FOXP2: variants seen among roughly 807,000 people sequenced by gnomAD.
FOXP2 encodes forkhead box protein P2.
A neutral mutation model predicts 115.8 loss-of-function variants in FOXP2; 12 were observed. The ratio of observed to expected loss-of-function variants is 0.10; its 90% CI spans 0.07 to 0.17. FOXP2 has a LOEUF of 0.17. Ranked by LOEUF, FOXP2 falls within the 10% of genes least tolerant of loss-of-function variation. FOXP2 has a pLI of 1.00. For missense variants in FOXP2, 629 were observed against 843.5 expected (o/e 0.75, Z 3.15); for synonymous variants, 328 against 297.7 (o/e 1.10, Z -1.05).
intron 3 of FOXP2, among the ~76,000 whole-genome samples, chr7:114,568,245 T>C (rs1360279217): frequency 6.6e-6 from 1 of 152,046 alleles, no homozygotes; most frequent in Non-Finnish European, 1.5e-5. Context: ...ATATGCTTTA[T>C]TTCTCTCTAT....
At chr7:114,380,211 T>C (rs1238023364) in intron 2 of FOXP2, among the ~76,000 whole-genome samples, 1 of 152,214 alleles carries the variant, frequency 6.6e-6, no homozygotes, top group Non-Finnish European at 1.5e-5. Flanking sequence ...GGCTTCCTAA[T>C]GTTTGATAGG....
chr7:114,565,897 G>C (rs994228847), intron 3 of FOXP2, among the ~76,000 whole-genome samples: 2 of 152,144 alleles, frequency 1.3e-5, no homozygotes, highest in African/African-American at 2.4e-5. Flanking sequence ...TGATCCACTT[G>C]TCTTGTGGAA....
At chr7:114,144,955 G>A (rs1483724325) in intron 1 of FOXP2, among the ~76,000 whole-genome samples, 2 of 152,118 alleles carry the variant, frequency 1.3e-5, no homozygotes, top group Non-Finnish European at 2.9e-5. Flanking sequence ...TAGTTGCCTT[G>A]TTGGAGCAAT....
chr7:114,086,479 C>T (rs778053968), upstream of FOXP2: 15 of 349,514 alleles, frequency 4.3e-5, no homozygotes, highest in African/African-American at 1.8e-4. Flanking sequence ...TCGGCCCCCC[C>T]CCTCCCCGGG....
intron 2 of FOXP2, among the ~76,000 whole-genome samples, chr7:114,515,560 G>C (rs562459828): frequency 6.6e-6 from 1 of 152,034 alleles, no homozygotes; most frequent in South Asian, 2.1e-4. Flanking sequence ...CTTTTTGATG[G>C]GGTTGTTTGT....
upstream of FOXP2, among the ~76,000 whole-genome samples, chr7:114,158,873 CA>C (rs1408538885): frequency 2.6e-5 from 4 of 152,002 alleles, no homozygotes; most frequent in African/African-American, 9.7e-5. Context: ...GGTCTGAGAG[CA>C]ATCCTATCAG....
At chr7:114,198,427 G>A (rs1054512861) in intron 1 of FOXP2, among the ~76,000 whole-genome samples, 1 of 152,164 alleles carries the variant, frequency 6.6e-6, no homozygotes, top group Non-Finnish European at 1.5e-5. Context: ...AATGCTATAG[G>A]GGGGTAGGGG....
chr7:114,643,307 A>G (rs1470128716), intron 7 of FOXP2, among the ~76,000 whole-genome samples: 2 of 152,164 alleles, frequency 1.3e-5, no homozygotes, highest in Non-Finnish European at 2.9e-5. Flanking sequence ...AATTTCAAAT[A>G]ATTAAAGATG....
chr7:114,277,296 T>C (rs1796213419), intron 1 of FOXP2, among the ~76,000 whole-genome samples: 2 of 152,196 alleles, frequency 1.3e-5, no homozygotes, highest in Non-Finnish European at 1.5e-5. Flanking sequence ...TTTTCTAACA[T>C]GTTTGACTTG....
intron 1 of FOXP2, among the ~76,000 whole-genome samples, chr7:114,252,382 T>G (rs1056569720): frequency 2.0e-5 from 3 of 152,206 alleles, no homozygotes; most frequent in East Asian, 1.9e-4. Flanking sequence ...AGCTCCTCCT[T>G]GTACCTCTGG....
chr7:114,092,526 T>TA (rs962061747), intron 1 of FOXP2, among the ~76,000 whole-genome samples: 152 of 145,048 alleles, frequency 1.0e-3, no homozygotes, highest in East Asian at 1.4e-3. Context: ...TTCTCAACCT[T>TA]AAAAAAAAAA....
rs1808622439 is a variant in FOXP2 at position 114,690,727 on chromosome 7, A to G, written c.*801A>G. Reference sequence around the variant, plus strand: ...TAAAGCTTTGTCTACCTGCAAACACAGTCAAAGGCTACAGCTGCAAACCAA... The same window carrying G: ...TAAAGCTTTGTCTACCTGCAAACACGGTCAAAGGCTACAGCTGCAAACCAA... On this transcript the variant is annotated 3_prime_UTR_variant, in exon 17 of 17. Coordinates refer to ENST00000350908, the MANE Select transcript of FOXP2 (RefSeq NM_014491.4). 2.2e-6 allele frequency: 1 copy of G among 454,402 alleles called. No individual in the cohort carries two copies. The highest frequency in any genetic ancestry group is 2.0e-5 in the African/African-American group (1 of 50,016). The allele number at this position is 454,402 out of a possible 1,614,324, so 28.1% of individuals were successfully genotyped here.
intron 2 of FOXP2, among the ~76,000 whole-genome samples, chr7:114,502,688 G>A (rs1174139248): frequency 1.3e-5 from 2 of 152,140 alleles, no homozygotes; most frequent in Middle Eastern, 3.4e-3. Context: ...CTCAAAAAGT[G>A]CAAGGTTACA....
At chr7:114,388,390 A>C (rs1031960681) in intron 2 of FOXP2, among the ~76,000 whole-genome samples, 2 of 121,896 alleles carry the variant, frequency 1.6e-5, no homozygotes, top group Non-Finnish European at 3.7e-5. Flanking sequence ...CAAGGAACTT[A>C]TCTCTTTTTT....
At chr7:114,525,622 C>T (rs954997658) in intron 2 of FOXP2, among the ~76,000 whole-genome samples, 1 of 152,132 alleles carries the variant, frequency 6.6e-6, no homozygotes, top group African/African-American at 2.4e-5. Flanking sequence ...AAGATAACCA[C>T]ACCTCTTTAT....
intron 1 of FOXP2, among the ~76,000 whole-genome samples, chr7:114,238,148 T>C (rs866786772): frequency 2.0e-5 from 3 of 152,210 alleles, no homozygotes; most frequent in Middle Eastern, 3.2e-3. Context: ...AAGTGGTAGT[T>C]AAACTATGAA....
chr7:114,133,800 A>G (rs1791954310), intron 1 of FOXP2, among the ~76,000 whole-genome samples: 1 of 152,200 alleles, frequency 6.6e-6, no homozygotes, highest in Non-Finnish European at 1.5e-5. Flanking sequence ...TAAAGCCAGG[A>G]CATCCTTCAG....
chr7:114,430,365 G>A (rs577718287), intron 2 of FOXP2, among the ~76,000 whole-genome samples: 1 of 151,574 alleles, frequency 6.6e-6, no homozygotes, highest in Non-Finnish European at 1.5e-5. Context: ...AATATTTAAA[G>A]TCTTACCAAG....
chr7:114,517,356 G>A (rs1048194625), intron 2 of FOXP2, among the ~76,000 whole-genome samples: 1 of 151,976 alleles, frequency 6.6e-6, no homozygotes, highest in Non-Finnish European at 1.5e-5. Context: ...ATGCAATCCC[G>A]TCGGTCTATT....
Sources: gnomAD v4.1 joint callset for allele counts (sites outside exome capture counted in the v4.1 genomes callset) on GRCh38, gnomAD v4.1.1 for gene constraint, MANE v1.5 for transcripts, NCBI Gene and HGNC (gene_info 2026-07-23, HGNC 2026-07-21) for gene names.